Variants in SDHA observed in about 807,000 individuals in gnomAD.
SDHA encodes succinate dehydrogenase [ubiquinone] flavoprotein subunit, mitochondrial.
Under a neutral mutation model 78.4 loss-of-function variants are expected in SDHA, and 48 were observed. That is an observed-to-expected ratio of 0.61 (90% CI 0.49 to 0.78). SDHA has a LOEUF of 0.78. Among genes scored for constraint, SDHA ranks in the 30% least tolerant of loss-of-function variants. SDHA has a pLI of 0.00. For missense variants in SDHA, 680 were observed against 892.7 expected, an observed-to-expected ratio of 0.76 and a Z score of 3.04; for synonymous variants, 326 against 353.9, an observed-to-expected ratio of 0.92 and a Z score of 0.88.
the SDHA span, among the ~76,000 whole-genome samples, chr5:267,173 G>C: frequency 6.6e-5 from 10 of 152,244 alleles, no homozygotes; most frequent in Non-Finnish European, 1.3e-4. Context: ...ATTAAAAGTG[G>C]TAAGTCATTG....
rs1190038643 is a variant in SDHA at position 254,522 on chromosome 5, G to A, written c.1908+16G>A. ...CACTGGGAAGGTCAGTGTGGAGCTC[G>A]TTCTCACCACAGCCCAGCACCCACA... is the stretch of plus-strand genomic sequence containing the variant. On this transcript the variant is annotated intron_variant, in intron 14 of 14. Transcript: ENST00000264932. 10 of 1,540,048 alleles carry A rather than the reference G, an allele frequency of 6.5e-6. No homozygotes were observed. The highest frequency in any genetic ancestry group is 1.2e-5 in the South Asian group (1 of 84,024).
At chr5:225,339 C>G in intron 3 of SDHA, 80 bp from the exon 4 acceptor site, 1 of 1,578,080 alleles carries the variant, frequency 6.3e-7, no homozygotes, top group Non-Finnish European at 8.7e-7. Context: ...CTCTGAATCC[C>G]CCCAGCGGGT....
In SDHA at chr5:227,795, T is replaced by C. The variant is rs1204488989; in HGVS notation, c.622-390T>C. 3 of 290,380 alleles carry C rather than the reference T, an allele frequency of 1.0e-5. No homozygotes were observed. In the Admixed American group the frequency reaches 1.4e-4, roughly 14 times the overall value. 18.0% of individuals were successfully genotyped at this position (290,380 alleles called of 1,614,324 possible). A position where few individuals can be genotyped will look rare whatever the true frequency, so the allele number is the denominator to read the frequency against. On this transcript the variant is annotated intron_variant, in intron 5 of 14. Coordinates refer to ENST00000264932, the MANE Select transcript of SDHA (RefSeq NM_004168.4). ...GCTGAATGTTTTGACTTATTTTAAT[T>C]AATTAAGTGGTTATGTGTTGCCAGT... is the stretch of plus-strand genomic sequence containing the variant.
chr5:239,626 G>T (rs1736016819), intron 10 of SDHA, among the ~76,000 whole-genome samples: 1 of 151,990 alleles, frequency 6.6e-6, no homozygotes, highest in South Asian at 2.1e-4. Flanking sequence ...ATCAACAGGT[G>T]ACTTTCAAGC....
At chr5:240,283 T>G in intron 10 of SDHA, 75 bp from the exon 11 acceptor site, 1 of 894,194 alleles carries the variant, frequency 1.1e-6, no homozygotes, top group South Asian at 1.4e-5. Context: ...GCTACATGTT[T>G]GTGTGTCATT....
chr5:255,164 C>CAAGCACAGCGTCCTGGGAACAGCCAGCCG (rs1737107164), intron 14 of SDHA, among the ~76,000 whole-genome samples: 2 of 151,634 alleles, frequency 1.3e-5, no homozygotes, highest in African/African-American at 2.4e-5. Context: ...TTGTTCCACA[C>CAAGCACAGCGTCCTGGGAACAGCCAGCCG]AAGCACAGTT....
At chr5:224,827 C>T (rs1262147243) in intron 3 of SDHA, 1 of 433,556 alleles carries the variant, frequency 2.3e-6, no homozygotes, top group African/African-American at 2.0e-5. Flanking sequence ...AAGGAGATCA[C>T]CTAAAGAGGA....
chr5:221,093 G>T (rs1159658894), intron 1 of SDHA, among the ~76,000 whole-genome samples: 1 of 152,170 alleles, frequency 6.6e-6, no homozygotes, highest in Non-Finnish European at 1.5e-5. Context: ...GATTACAGGT[G>T]TGAGCCACCA....
intron 10 of SDHA, among the ~76,000 whole-genome samples, chr5:239,739 A>G (rs951372163): frequency 1.3e-5 from 2 of 151,580 alleles, no homozygotes; most frequent in Admixed American, 1.3e-4. Flanking sequence ...TGACATTTAT[A>G]TACACTTAAT....
At chr5:229,371 G>C (rs1367718969) in intron 6 of SDHA, among the ~76,000 whole-genome samples, 1 of 152,176 alleles carries the variant, frequency 6.6e-6, no homozygotes, top group African/African-American at 2.4e-5. Context: ...AATATGTGTT[G>C]GTGTTTAATG....
At chr5:221,661 G>T (rs376796892) in intron 1 of SDHA, among the ~76,000 whole-genome samples, 3 of 151,930 alleles carry the variant, frequency 2.0e-5, no homozygotes, top group African/African-American at 7.2e-5. Context: ...ATGTTTGATA[G>T]TTTCTCCTAA....
At chr5:251,991 T>A in intron 13 of SDHA, 2 of 333,364 alleles carry the variant, frequency 6.0e-6, no homozygotes, top group South Asian at 5.1e-5. Context: ...GCCTGCCCTG[T>A]GGAGGAAATG....
intron 11 of SDHA, among the ~76,000 whole-genome samples, chr5:243,541 G>A (rs966918634): frequency 2.6e-5 from 4 of 152,178 alleles, no homozygotes; most frequent in African/African-American, 7.2e-5. Context: ...ACAGCTTAGA[G>A]GAGTGTGCAT....
downstream of SDHA, among the ~76,000 whole-genome samples, chr5:258,709 A>G (rs1272169905): frequency 1.1e-5 from 1 of 92,340 alleles, no homozygotes; most frequent in East Asian, 2.8e-4. Flanking sequence ...GCCTCCCGCC[A>G]GAGCATTACC....
chr5:220,815 A>ATTTTTTTTT (rs753343756), intron 1 of SDHA, among the ~76,000 whole-genome samples: 13 of 139,090 alleles, frequency 9.3e-5, no homozygotes, highest in African/African-American at 1.1e-4. Flanking sequence ...TGTGAACTGA[A>ATTTTTTTTT]TTTTTTTTTT....
At chr5:266,753 AGAC>A in the SDHA span, among the ~76,000 whole-genome samples, 1 of 152,248 alleles carries the variant, frequency 6.6e-6, no homozygotes, top group African/African-American at 2.4e-5. Flanking sequence ...CCCGTGCAGT[AGAC>A]ACCGTGGCCG....
chr5:248,550 T>C (rs368904088), intron 11 of SDHA, among the ~76,000 whole-genome samples: 167 of 152,278 alleles, frequency 1.1e-3, no homozygotes, highest in African/African-American at 3.8e-3. Flanking sequence ...CACTCTATGA[T>C]GCAGTTACAC....
chr5:226,301 G>A (rs932107145), intron 5 of SDHA, among the ~76,000 whole-genome samples: 3 of 151,324 alleles, frequency 2.0e-5, no homozygotes, highest in African/African-American at 7.4e-5. Context: ...TACATACCAG[G>A]TTTTAACTTG....
chr5:226,193 CTG>C, intron 5 of SDHA, 146 bp downstream of exon 5: 1 of 905,388 alleles, frequency 1.1e-6, no homozygotes, highest in Admixed American at 2.0e-5. Flanking sequence ...CATGCAGCGA[CTG>C]TGGATGTGAC....
Sources: gnomAD v4.1 joint callset for allele counts (sites outside exome capture counted in the v4.1 genomes callset) on GRCh38, gnomAD v4.1.1 for gene constraint, MANE v1.5 for transcripts, NCBI Gene and HGNC (gene_info 2026-07-23, HGNC 2026-07-21) for gene names.